The following CCDC50 variants were observed in gnomAD, a reference collection of about 807,000 sequenced individuals.
CCDC50 encodes the protein coiled-coil domain-containing protein 50.
A neutral mutation model predicts 70.2 loss-of-function variants in CCDC50; 54 were observed. The observed-to-expected ratio is 0.77, with a 90% confidence interval of 0.62 to 0.96. The LOEUF (loss-of-function observed/expected upper bound fraction) is 0.96, where lower values mean the gene tolerates loss of function less well. Among genes scored for constraint, CCDC50 ranks in the 50% least tolerant of loss-of-function variants. CCDC50 has a pLI of 0.00. For synonymous variants in CCDC50, 216 were observed against 198.8 expected, an observed-to-expected ratio of 1.09 and a Z score of -0.73; for missense variants, 558 against 578.7, an observed-to-expected ratio of 0.96 and a Z score of 0.37.
rs1168071159 is a variant in CCDC50, at chr3:191,393,593, T to C, written c.*1833T>C. On this transcript the variant is annotated 3_prime_UTR_variant, in exon 12 of 12. Coordinates refer to ENST00000392455, the MANE Select transcript of CCDC50 (RefSeq NM_178335.3). ...TTTGGGCAAATGTTAATCAGAAAGA[T>C]AATCTACATCCCTACTTTATGTAGT... 6.6e-6 allele frequency: 1 copy of C among 152,180 alleles called. No homozygotes were observed. The highest frequency in any genetic ancestry group is 6.5e-5 in the Admixed American group (1 of 15,284). The allele number at this position is 152,180 out of a possible 1,614,324, so 9.4% of individuals were successfully genotyped here. A position where few individuals can be genotyped will look rare whatever the true frequency, so the allele number is the denominator to read the frequency against.
At chr3:191,370,184 T>C in intron 5 of CCDC50, 148 bp downstream of exon 5, 1 of 673,948 alleles carries the variant, frequency 1.5e-6, no homozygotes, top group Non-Finnish European at 2.7e-6. Context: ...GGCAGGATTC[T>C]ATTTGAATCT....
At chr3:191,348,010 T>G (rs1711982071) in intron 1 of CCDC50, among the ~76,000 whole-genome samples, 1 of 142,576 alleles carries the variant, frequency 7.0e-6, no homozygotes, top group African/African-American at 2.5e-5. Context: ...CCTTTCAGGA[T>G]CTAGAATATA....
intron 6 of CCDC50, 73 bp from the exon 7 acceptor site, chr3:191,380,086 T>C (rs916612363): frequency 9.8e-6 from 9 of 915,744 alleles, no homozygotes; most frequent in South Asian, 9.0e-5. Context: ...ATCTCCTTTA[T>C]CTTAAATTTC....
At chr3:191,332,348 A>C (rs1718017933) in intron 1 of CCDC50, among the ~76,000 whole-genome samples, 1 of 152,226 alleles carries the variant, frequency 6.6e-6, no homozygotes, top group African/African-American at 2.4e-5. Context: ...AATCTCTTAA[A>C]CTGGGAGACA....
Position 191,356,853 on chromosome 3 carries a change from G to A in CCDC50, c.50-235G>A, listed in dbSNP as rs528395384. ...TTCTCACCTCAGGCCAGGGGCCAAG[G>A]CTAACCAGTATTTTGTGACACCCTG... On this transcript the variant is annotated intron_variant, in intron 1 of 11. Coordinates refer to ENST00000392455, the MANE Select transcript of CCDC50 (RefSeq NM_178335.3). 2.0e-5 allele frequency among the ~76,000 whole-genome samples: 3 copies of A among 152,300 alleles called. No homozygotes were observed. The East Asian group carries it at 5.8e-4, about 29-fold the overall frequency.
intron 1 of CCDC50, among the ~76,000 whole-genome samples, chr3:191,335,307 C>T (rs924698603): frequency 1.3e-5 from 2 of 152,124 alleles, no homozygotes; most frequent in African/African-American, 4.8e-5. Context: ...ATTCAAACAA[C>T]TATATTTGCT....
At position 191,334,946 on chromosome 3, in the gene CCDC50, C is replaced by G. The variant is rs376727319; in HGVS notation, c.49+5223C>G. 3.2e-4 allele frequency among the ~76,000 whole-genome samples: 49 copies of G among 152,266 alleles called. 1 individual carries two copies. The highest frequency in any genetic ancestry group is 1.1e-3 in the African/African-American group (44 of 41,564). On this transcript the variant is annotated intron_variant, in intron 1 of 11. Transcript: ENST00000392455. ...TGAGTGAACTGTAGGAAGTCACACT[C>G]TTGCCTCACTGTTTTTTCTACCTGA...
intron 1 of CCDC50, among the ~76,000 whole-genome samples, chr3:191,349,565 A>G (rs1386660775): frequency 7.1e-6 from 1 of 141,268 alleles, no homozygotes; most frequent in Non-Finnish European, 1.6e-5. Context: ...CTGTGAAAGA[A>G]TCGGAAGGAT....
rs530173086 is a variant in CCDC50 at position 191,329,951 on chromosome 3, G to T, written c.49+228G>T. On this transcript the variant is annotated intron_variant, in intron 1 of 11. Transcript: ENST00000392455. ...TTCTCAAGGGGGTGGTTGGGGGGGG[G>T]GGGGGCTAGCAGCAGCCCCAGCAAG... is the stretch of plus-strand genomic sequence containing the variant. Among the ~76,000 whole-genome samples, 30 of 137,316 alleles carry T rather than the reference G, an allele frequency of 2.2e-4. No homozygotes were observed. In the Middle Eastern group the frequency reaches 0.011, roughly 51 times the overall value. 90.1% of individuals were successfully genotyped at this position (137,316 alleles called of 152,430 possible).
Position 191,329,663 on chromosome 3 carries a change from C to A in CCDC50, c.-12C>A. The A allele has an allele frequency of 6.2e-7, 1 of 1,607,402 alleles. No homozygotes were observed. Among genetic ancestry groups the A allele is most frequent in the Non-Finnish European group, 8.5e-7 (1 of 1,177,666 alleles). On this transcript the variant is annotated 5_prime_UTR_variant, in exon 1 of 12. Transcript: ENST00000392455. ...GCCCGCGTTAAAGGGGCAACCGGGACCCTGGCCCGGTATGGCTGAAGTCAG... is the reference window on the plus strand; with the variant it reads ...GCCCGCGTTAAAGGGGCAACCGGGAACCTGGCCCGGTATGGCTGAAGTCAG...
At chr3:191,366,026 G>T (rs1169709918) in intron 4 of CCDC50, among the ~76,000 whole-genome samples, 1 of 152,080 alleles carries the variant, frequency 6.6e-6, no homozygotes. Flanking sequence ...AATACCCTAA[G>T]GAAGCCAACA....
chr3:191,385,305 C>T (rs1713449999), intron 10 of CCDC50, among the ~76,000 whole-genome samples: 1 of 152,208 alleles, frequency 6.6e-6, no homozygotes, highest in African/African-American at 2.4e-5. Context: ...GTTCCCCTTT[C>T]TCTGCATCCA....
intron 6 of CCDC50, among the ~76,000 whole-genome samples, chr3:191,376,795 ATC>A (rs950054016): frequency 3.3e-5 from 5 of 152,092 alleles, no homozygotes; most frequent in Admixed American, 6.6e-5. Context: ...GTGTGATATA[ATC>A]TGTCTTGAGT....
chr3:191,330,755 G>A (rs1207765111), intron 1 of CCDC50, among the ~76,000 whole-genome samples: 1 of 152,134 alleles, frequency 6.6e-6, no homozygotes, highest in East Asian at 1.9e-4. Context: ...GACTCCGTTG[G>A]TCTTGTGTGT....
intron 10 of CCDC50, among the ~76,000 whole-genome samples, chr3:191,386,305 A>G (rs1370540543): frequency 6.9e-6 from 1 of 144,756 alleles, no homozygotes; most frequent in African/African-American, 2.7e-5. Context: ...GCTCACTGCA[A>G]CCTCTGCCTC....
At chr3:191,334,740 A>T (rs1181198137) in intron 1 of CCDC50, among the ~76,000 whole-genome samples, 1 of 151,950 alleles carries the variant, frequency 6.6e-6, no homozygotes, top group East Asian at 1.9e-4. Flanking sequence ...TGTTCTGTAG[A>T]TGCGAAAGAT....
chr3:191,334,950 C>A (rs1011539795), intron 1 of CCDC50, among the ~76,000 whole-genome samples: 9 of 152,068 alleles, frequency 5.9e-5, no homozygotes, highest in Non-Finnish European at 1.2e-4. Context: ...CACACTCTTG[C>A]CTCACTGTTT....
In CCDC50 at chr3:191,396,561, C is replaced by T. The variant is rs1195242906; in HGVS notation, c.*4801C>T. 1 of 152,002 alleles carries T rather than the reference C, an allele frequency of 6.6e-6. No individual in the cohort carries two copies. Among genetic ancestry groups the T allele is most frequent in the Non-Finnish European group, 1.5e-5 (1 of 67,994 alleles). 9.4% of individuals were successfully genotyped at this position (152,002 alleles called of 1,614,324 possible). ...TATGGTGACTACATAGAAGATATTT[C>T]CAAAGGTTCTGTTATGCAGTGAAGA... On this transcript the variant is annotated 3_prime_UTR_variant, in exon 12 of 12. Transcript: ENST00000392455.
intron 5 of CCDC50, among the ~76,000 whole-genome samples, chr3:191,374,461 CTT>C (rs1228024192): frequency 6.7e-6 from 1 of 150,106 alleles, no homozygotes; most frequent in African/African-American, 2.4e-5. Flanking sequence ...ACTTGATCCT[CTT>C]TTATATTGAA....
Sources: gnomAD v4.1 joint callset for allele counts (sites outside exome capture counted in the v4.1 genomes callset) on GRCh38, gnomAD v4.1.1 for gene constraint, MANE v1.5 for transcripts, NCBI Gene and HGNC (gene_info 2026-07-23, HGNC 2026-07-21) for gene names.